The following CD300LB variants were observed in gnomAD, a reference collection of about 807,000 sequenced individuals.
CD300LB encodes CD300 molecule like family member b.
In CD300LB, 18 loss-of-function variants were observed where a neutral mutation model predicts 20.8. The observed-to-expected ratio is 0.87, with a 90% CI of 0.60 to 1.28. The LOEUF (loss-of-function observed/expected upper bound fraction) is 1.28, where lower values mean the gene tolerates loss of function less well. Ranked by LOEUF, CD300LB falls within the 50% of genes most tolerant of loss-of-function variation. The pLI is 0.00. For missense variants in CD300LB, 222 were observed against 251.8 expected (o/e 0.88, Z 0.80); for synonymous variants, 91 against 91.3 (o/e 1.00, Z 0.02).
At chr17:74,525,695 C>T in intron 2 of CD300LB, 53 bp downstream of exon 2, 9 of 1,533,986 alleles carry the variant, frequency 5.9e-6, no homozygotes, top group South Asian at 1.2e-5. Flanking sequence ...AGAGCACTGA[C>T]TTTCCCAGCC....
At chr17:74,524,078 G>GA (rs777741063) in intron 2 of CD300LB, among the ~76,000 whole-genome samples, 3 of 152,192 alleles carry the variant, frequency 2.0e-5, no homozygotes, top group African/African-American at 4.8e-5. Context: ...CAGAAAAAGG[G>GA]AAAGGGGACT....
intron 1 of CD300LB, 31 bp downstream of exon 1, chr17:74,531,280 A>G: frequency 6.6e-7 from 1 of 1,520,592 alleles, no homozygotes. Context: ...CCCCTGTCAT[A>G]CCAAGCGCCC....
Position 74,522,529 on chromosome 17 carries a change from C to G in CD300LB, c.*209G>C, listed in dbSNP as rs941745731. 7.4e-6 allele frequency: 10 copies of G among 1,350,612 alleles called. No homozygotes were observed. Among genetic ancestry groups the G allele is most frequent in the East Asian group, 2.9e-5 (1 of 34,224 alleles). 83.7% of individuals were successfully genotyped at this position (1,350,612 alleles called of 1,614,324 possible). A position where few individuals can be genotyped will look rare whatever the true frequency, so the allele number is the denominator to read the frequency against. On this transcript the variant is annotated 3_prime_UTR_variant, in exon 4 of 4. Coordinates refer to ENST00000392621, the MANE Select transcript of CD300LB (RefSeq NM_174892.4). ...GACCAAGAGAACAGGTGCTGGCACCCCAGGAGGTGATGGTGGCTCAGGAGA... is the reference window on the plus strand; with the variant it reads ...GACCAAGAGAACAGGTGCTGGCACCGCAGGAGGTGATGGTGGCTCAGGAGA...
At chr17:74,529,549 G>C (rs1421698122) in intron 1 of CD300LB, among the ~76,000 whole-genome samples, 1 of 152,202 alleles carries the variant, frequency 6.6e-6, no homozygotes, top group Non-Finnish European at 1.5e-5. Context: ...CCCGCACTTT[G>C]GGAGGCCAAG....
intron 3 of CD300LB, chr17:74,523,136 T>G: frequency 1.8e-6 from 1 of 556,828 alleles, no homozygotes; most frequent in South Asian, 2.2e-5. Context: ...GGGACCCTCT[T>G]TGCCCAAAGT....
intron 1 of CD300LB, 35 bp downstream of exon 1, chr17:74,531,276 T>A (rs200622146): frequency 6.6e-7 from 1 of 1,517,674 alleles, no homozygotes; most frequent in Non-Finnish European, 8.8e-7. Context: ...CCTGCCCCTG[T>A]CATACCAAGC....
chr17:74,522,382 T>C lies in CD300LB; in HGVS notation c.*356A>G. Reference sequence around the variant, plus strand: ...GAGTTGGTCTCCGGAATGATGGAAGTCTAGGGCTGGGGGGGTCTCCCCCAA... The same window carrying C: ...GAGTTGGTCTCCGGAATGATGGAAGCCTAGGGCTGGGGGGGTCTCCCCCAA... On this transcript the variant is annotated 3_prime_UTR_variant, in exon 4 of 4. Transcript: ENST00000392621. The C allele has an allele frequency of 9.8e-7, 1 of 1,020,318 alleles. No homozygotes were observed. The highest frequency in any genetic ancestry group is 4.3e-5 in the South Asian group (1 of 23,242). 63.2% of individuals were successfully genotyped at this position (1,020,318 alleles called of 1,614,324 possible).
chr17:74,525,785 A>G lies in CD300LB; in HGVS notation c.333T>C (p.Pro111=). The G allele has an allele frequency of 6.2e-7, 1 of 1,614,180 alleles. No homozygotes were observed. ...TCACTTTCACTTGAGTCCCAAGGTC[A>G]GGTCCTCTTCTTTCAATCCCACACC... ...VYWCGIERRG[P]DLGTQVKVIV... Residue 111 remains proline, a synonymous_variant, in exon 2 of 4, where the codon CCT becomes CCC. Coordinates refer to ENST00000392621, the MANE Select transcript of CD300LB (RefSeq NM_174892.4).
At chr17:74,523,056 A>C in intron 3 of CD300LB, 156 bp from the exon 4 acceptor site, 9 of 671,778 alleles carry the variant, frequency 1.3e-5, no homozygotes, top group Non-Finnish European at 2.0e-5. Context: ...GTTCAACCTC[A>C]AGGGGTCCTC....
At chr17:74,527,553 C>A (rs192016177) in intron 1 of CD300LB, among the ~76,000 whole-genome samples, 1 of 152,196 alleles carries the variant, frequency 6.6e-6, no homozygotes, top group Non-Finnish European at 1.5e-5. Flanking sequence ...ACAGAACCTG[C>A]GAATATGTCC....
At chr17:74,529,578 G>C (rs1257946463) in intron 1 of CD300LB, among the ~76,000 whole-genome samples, 2 of 152,196 alleles carry the variant, frequency 1.3e-5, no homozygotes, top group Non-Finnish European at 2.9e-5. Flanking sequence ...ATCACCTGAG[G>C]TCAGGAGTTC....
intron 3 of CD300LB, chr17:74,523,167 C>T (rs984348443): frequency 6.3e-5 from 33 of 527,024 alleles, no homozygotes; most frequent in African/African-American, 1.3e-4. Flanking sequence ...TCAACAGAAG[C>T]GCCAGAGGTC....
At position 74,522,171 on chromosome 17, in the gene CD300LB, C is replaced by G. The variant is rs532620477; in HGVS notation, c.*567G>C. 1.0e-6 allele frequency: 1 copy of G among 985,488 alleles called. No homozygotes were observed. Among genetic ancestry groups the G allele is most frequent in the Admixed American group, 6.1e-5 (1 of 16,268 alleles). 61.0% of individuals were successfully genotyped at this position (985,488 alleles called of 1,614,324 possible). ...AGCCCTGTGGACTCAGAGCCATGTC[C>G]TCCCTGGGGACAGGGTCCATCCAGC... On this transcript the variant is annotated 3_prime_UTR_variant, in exon 4 of 4. Coordinates refer to ENST00000392621, the MANE Select transcript of CD300LB (RefSeq NM_174892.4).
At chr17:74,529,581 A>G (rs1555644098) in intron 1 of CD300LB, among the ~76,000 whole-genome samples, 1 of 152,210 alleles carries the variant, frequency 6.6e-6, no homozygotes, top group Non-Finnish European at 1.5e-5. Context: ...ACCTGAGGTC[A>G]GGAGTTCAAG....
At chr17:74,527,958 A>G (rs943684367) in intron 1 of CD300LB, among the ~76,000 whole-genome samples, 2 of 152,052 alleles carry the variant, frequency 1.3e-5, no homozygotes, top group African/African-American at 4.8e-5. Flanking sequence ...CTCCCATCAG[A>G]CCAGCGGCCG....
In CD300LB at chr17:74,522,309, A is replaced by G; in HGVS notation, c.*429T>C. On this transcript the variant is annotated 3_prime_UTR_variant, in exon 4 of 4. Coordinates refer to ENST00000392621, the MANE Select transcript of CD300LB (RefSeq NM_174892.4). ...AAAACCCAACTTTGCTAGAAAAAAA[A>G]AAATTTAAAAACACGGATATATCAG... is the stretch of plus-strand genomic sequence containing the variant. The G allele has an allele frequency of 1.0e-6, 1 of 988,100 alleles. No homozygotes were observed. Among genetic ancestry groups the G allele is most frequent in the Non-Finnish European group, 1.2e-6 (1 of 831,602 alleles). The allele number at this position is 988,100 out of a possible 1,614,324, so 61.2% of individuals were successfully genotyped here.
chr17:74,523,658 A>G lies in CD300LB; in HGVS notation c.371-7T>C, dbSNP rs769906446. On this transcript the variant is annotated splice_region_variant and splice_polypyrimidine_tract_variant and intron_variant, in intron 2 of 3. Transcript: ENST00000392621. ...GTTGTGGAAGCCGCTCCCTCTAGAC[A>G]CAGGCAAAGTCAGCCATGGGTTATT... 19 of 1,605,850 alleles carry G rather than the reference A, an allele frequency of 1.2e-5. No homozygotes were observed. The highest frequency in any genetic ancestry group is 1.6e-5 in the Non-Finnish European group (19 of 1,172,608).
In CD300LB at chr17:74,524,742, C is replaced by A. The variant is rs555433864; in HGVS notation, c.370+1006G>T. 1.4e-4 allele frequency among the ~76,000 whole-genome samples: 22 copies of A among 152,238 alleles called. 1 individual carries two copies. The highest frequency in any genetic ancestry group is 1.0e-3 in the Admixed American group (16 of 15,302). The stretch of plus-strand genomic sequence containing the variant: ...TTTACAGGCTGGTACCCCTGTAGAT[C>A]CCCCACCCAAGACTCCGGAACATCT... On this transcript the variant is annotated intron_variant, in intron 2 of 3. Transcript: ENST00000392621.
At position 74,524,539 on chromosome 17, in the gene CD300LB, G is replaced by A. The variant is rs568200999; in HGVS notation, c.371-888C>T. Among the ~76,000 whole-genome samples the A allele has an allele frequency of 2.7e-4, 41 of 152,278 alleles. 2 individuals carry two copies. In the South Asian group the frequency reaches 5.8e-3, roughly 22 times the overall value. ...GGAGGTCGAGGCTGCAGTGAGTCAAGTTCACCCCACTGCACTCCAGCCTGG... is the reference window on the plus strand; with the variant it reads ...GGAGGTCGAGGCTGCAGTGAGTCAAATTCACCCCACTGCACTCCAGCCTGG... On this transcript the variant is annotated intron_variant, in intron 2 of 3. Coordinates refer to ENST00000392621, the MANE Select transcript of CD300LB (RefSeq NM_174892.4).
Sources: gnomAD v4.1 joint callset for allele counts (sites outside exome capture counted in the v4.1 genomes callset) on GRCh38, gnomAD v4.1.1 for gene constraint, MANE v1.5 for transcripts, NCBI Gene and HGNC (gene_info 2026-07-23, HGNC 2026-07-21) for gene names.